RIF1: variants seen among roughly 807,000 people sequenced by gnomAD.
RIF1 encodes telomere-associated protein RIF1.
Under a neutral mutation model 247.1 loss-of-function variants are expected in RIF1, and 45 were observed. The ratio of observed to expected loss-of-function variants is 0.18; its 90% confidence interval spans 0.14 to 0.23. The LOEUF (loss-of-function observed/expected upper bound fraction) is 0.23. RIF1 is among the 10% of genes least tolerant of loss of function. The pLI, the probability that RIF1 is intolerant of heterozygous loss-of-function variation, is 1.00. For synonymous variants in RIF1, 1,087 were observed against 978.8 expected, an observed-to-expected ratio of 1.11 and a Z score of -2.06; for missense variants, 2,967 against 2,862.5, an observed-to-expected ratio of 1.04 and a Z score of -0.83.
At chr2:151,439,357 T>C (rs1691817431) in intron 14 of RIF1, among the ~76,000 whole-genome samples, 1 of 152,098 alleles carries the variant, frequency 6.6e-6, no homozygotes, top group Non-Finnish European at 1.5e-5. Flanking sequence ...ATCTCTAAAA[T>C]TACATGCTTA....
chr2:151,410,850 A>G (rs1156789349), intron 2 of RIF1, among the ~76,000 whole-genome samples: 1 of 122,306 alleles, frequency 8.2e-6, no homozygotes, highest in Non-Finnish European at 1.7e-5. Context: ...GTGTTGGGAA[A>G]ATGTGGCTAC....
At chr2:151,529,091 C>G in the RIF1 span, 3 of 726,880 alleles carry the variant, frequency 4.1e-6, no homozygotes, top group East Asian at 7.6e-5. Context: ...TGGGGCCTGA[C>G]TCTTGCTTTG....
At chr2:151,427,804 C>T (rs930572265) in intron 8 of RIF1, among the ~76,000 whole-genome samples, 1 of 148,076 alleles carries the variant, frequency 6.8e-6, no homozygotes, top group Non-Finnish European at 1.5e-5. Context: ...GTGGCTCACG[C>T]CTGTAATCCC....
Position 151,501,391 on chromosome 2 carries a change from C to G in RIF1, c.*710-1643C>G. Reference sequence around the variant, plus strand: ...AGTTAAAGAGCTTTCTCCCAAATACCGAGCTAAAGTTTTCTTGATTGAGTT... The same window carrying G: ...AGTTAAAGAGCTTTCTCCCAAATACGGAGCTAAAGTTTTCTTGATTGAGTT... On this transcript the variant is annotated intron_variant and NMD_transcript_variant, in intron 11 of 13. Coordinates refer to the RIF1 transcript ENST00000454583. 2 of 1,541,836 alleles carry G rather than the reference C, an allele frequency of 1.3e-6. No homozygotes were observed. Among genetic ancestry groups the G allele is most frequent in the Non-Finnish European group, 1.8e-6 (2 of 1,139,108 alleles).
At chr2:151,442,399 A>G (rs1692482196) in intron 16 of RIF1, among the ~76,000 whole-genome samples, 1 of 151,776 alleles carries the variant, frequency 6.6e-6, no homozygotes, top group Non-Finnish European at 1.5e-5. Context: ...AAAAAAAAAA[A>G]AAAAAAGAAA....
At chr2:151,524,578 G>A in the RIF1 span, 3 of 1,564,092 alleles carry the variant, frequency 1.9e-6, no homozygotes, top group African/African-American at 1.4e-5. Context: ...CCACTGTGGT[G>A]TAATGCAGGT....
the RIF1 span, among the ~76,000 whole-genome samples, chr2:151,520,490 C>A: frequency 6.6e-6 from 1 of 152,138 alleles, no homozygotes; most frequent in African/African-American, 2.4e-5. Flanking sequence ...AAGCACAATG[C>A]CTTGCACTAA....
chr2:151,485,796 G>C (rs3821324), downstream of RIF1: 1 of 1,612,820 alleles, frequency 6.2e-7, no homozygotes, highest in Admixed American at 1.7e-5. Context: ...GGAGCATTCC[G>C]GTCCTGCCAG....
the RIF1 span, chr2:151,527,639 A>C: frequency 7.7e-7 from 1 of 1,306,124 alleles, no homozygotes; most frequent in Non-Finnish European, 1.1e-6. Flanking sequence ...TAAATTCATA[A>C]ACACACACAT....
intron 9 of RIF1, chr2:151,491,838 A>G: frequency 7.4e-7 from 1 of 1,345,494 alleles, no homozygotes; most frequent in South Asian, 1.3e-5. Context: ...TTGAAAACCA[A>G]GGCATGAATT....
the RIF1 span, among the ~76,000 whole-genome samples, chr2:151,530,245 G>A: frequency 6.6e-6 from 1 of 152,164 alleles, no homozygotes; most frequent in Non-Finnish European, 1.5e-5. Flanking sequence ...TACCTAGCAA[G>A]TTTTGGTATA....
chr2:151,431,834 C>G (rs1485633274), intron 9 of RIF1, among the ~76,000 whole-genome samples: 2 of 146,782 alleles, frequency 1.4e-5, no homozygotes, highest in African/African-American at 2.5e-5. Context: ...ATAGGAGACC[C>G]CAAAAAGGAA....
At chr2:151,438,613 GGA>G in intron 13 of RIF1, 69 bp from the exon 14 acceptor site, 1 of 938,370 alleles carries the variant, frequency 1.1e-6, no homozygotes, top group Non-Finnish European at 1.8e-6. Flanking sequence ...GGAAGTAAAG[GGA>G]GAGTGTTAGT....
chr2:151,461,256 C>G lies in RIF1; in HGVS notation c.3194C>G (p.Thr1065Ser). 6.2e-7 allele frequency: 1 copy of G among 1,613,052 alleles called. No individual in the cohort carries two copies. The highest frequency in any genetic ancestry group is 8.5e-7 in the Non-Finnish European group (1 of 1,179,758). Reference sequence around the variant, plus strand: ...AAAGATGCAAAGGAAAGAATATTAACTGATCATCAAAAAGAAGTTCTCAAA... The same window carrying G: ...AAAGATGCAAAGGAAAGAATATTAAGTGATCATCAAAAAGAAGTTCTCAAA... Reference protein sequence around the residue: ...EGKDAKERILTDHQKEVLKTK... With the variant: ...EGKDAKERILSDHQKEVLKTK... Residue 1065 changes from threonine (T) to serine (S), a missense_variant, in exon 27 of 36, where the codon ACT (threonine) becomes AGT (serine). Physicochemically the swap from Thr to Ser is moderately conservative, Grantham distance 58. Transcript: ENST00000444746.
intron 14 of RIF1, among the ~76,000 whole-genome samples, chr2:151,439,155 G>A (rs1691785951): frequency 1.3e-5 from 2 of 152,134 alleles, no homozygotes; most frequent in African/African-American, 4.8e-5. Context: ...AAGTGGAAAC[G>A]GGTTATATTC....
intron 8 of RIF1, 105 bp downstream of exon 8, chr2:151,423,147 TG>T: frequency 1.5e-6 from 1 of 657,948 alleles, no homozygotes; most frequent in Non-Finnish European, 2.7e-6. Flanking sequence ...TTTGTACAGC[TG>T]ATGCTCATTA....
rs572149191 is a variant in RIF1 at position 151,465,038 on chromosome 2, G to C, written c.5518G>C (p.Asp1840His). The change falls in exon 30 of 36, where the codon GAT becomes CAT. Residue 1840 changes from aspartate (D) to histidine (H), a missense_variant. This residue lies in a region of RIF1 where 2,028 missense variants were observed against 1,825.6 expected (regional missense o/e 1.11). Transcript: ENST00000444746. ...GIVNFREEIC[D>H]MDSSEAMSLE... The stretch of plus-strand genomic sequence containing the variant: ...AGTAAACTTTAGAGAGGAAATTTGT[G>C]ATATGGATTCTAGTGAAGCAATGTC... 4 of 1,582,260 alleles carry C rather than the reference G, an allele frequency of 2.5e-6. No homozygotes were observed. In the East Asian group the frequency reaches 8.9e-5, roughly 35 times the overall value.
At chr2:151,448,651 C>T (rs1330177399) in intron 20 of RIF1, among the ~76,000 whole-genome samples, 1 of 152,186 alleles carries the variant, frequency 6.6e-6, no homozygotes, top group Non-Finnish European at 1.5e-5. Context: ...AAAGGACTTA[C>T]CTAATCGCGC....
chr2:151,480,288 AGT>A lies in RIF1; in HGVS notation c.*5221_*5222del, dbSNP rs1303835965. ...TAGCAGAGGGAATATTTTTGGCCAC[AGT>A]GTGCCAATTTATAATTGTAGATAAA... On this transcript the variant is annotated 3_prime_UTR_variant, in exon 36 of 36. Transcript: ENST00000444746. The A allele has an allele frequency of 6.6e-6, 1 of 152,224 alleles. No individual in the cohort carries two copies. The highest frequency in any genetic ancestry group is 2.4e-5 in the African/African-American group (1 of 41,470). 9.4% of individuals were successfully genotyped at this position (152,224 alleles called of 1,614,324 possible).
Sources: allele counts gnomAD v4.1 joint callset (sites outside exome capture counted in the v4.1 genomes callset), GRCh38; gene constraint gnomAD v4.1.1; regional missense constraint gnomAD v4.1.1; transcripts MANE v1.5; gene names NCBI Gene and HGNC (gene_info 2026-07-23, HGNC 2026-07-21).